Variants in ZSWIM8 observed in about 807,000 individuals in gnomAD.
ZSWIM8 encodes zinc finger SWIM domain-containing protein 8.
Under a neutral mutation model 173.7 loss-of-function variants are expected in ZSWIM8, and 27 were observed. That is an observed-to-expected ratio of 0.16 (90% CI 0.11 to 0.21). The LOEUF (loss-of-function observed/expected upper bound fraction) is 0.21, where lower values mean the gene tolerates loss of function less well. ZSWIM8 is among the 10% of genes least tolerant of loss of function. The pLI is 1.00. For missense variants in ZSWIM8, 1,627 were observed against 2,428.8 expected (o/e 0.67, Z 6.94); for synonymous variants, 958 against 962.0 (o/e 1.00, Z 0.08).
chr10:73,798,155 A>G lies in ZSWIM8; in HGVS notation c.3953-75A>G, dbSNP rs1351270346. The stretch of plus-strand genomic sequence containing the variant: ...TTATCTTTGTGGGGTTACTGATCTG[A>G]TAAAAAGACATTATTCTCACACCCC... On this transcript the variant is annotated intron_variant, in intron 19 of 25. Transcript: ENST00000604729. The G allele has an allele frequency of 3.8e-6, 6 of 1,594,058 alleles. No individual in the cohort carries two copies. In the East Asian group the frequency reaches 1.1e-4, roughly 30 times the overall value.
rs772997264 is a variant in ZSWIM8 at position 73,785,632 on chromosome 10, G to A, written c.-247G>A. 3.4e-6 allele frequency: 2 copies of A among 581,400 alleles called. No individual in the cohort carries two copies. Among genetic ancestry groups the A allele is most frequent in the South Asian group, 3.2e-5 (2 of 63,426 alleles). 36.0% of individuals were successfully genotyped at this position (581,400 alleles called of 1,614,324 possible). A position where few individuals can be genotyped will look rare whatever the true frequency, so the allele number is the denominator to read the frequency against. On this transcript the variant is annotated 5_prime_UTR_variant, in exon 1 of 26. Transcript: ENST00000604729. ...GCCGCCTAGAGGCCCCAGCCGCCGAGCGCTTCGTCCCGGCCCTAAGTCTCG... is the reference window on the plus strand; with the variant it reads ...GCCGCCTAGAGGCCCCAGCCGCCGAACGCTTCGTCCCGGCCCTAAGTCTCG...
chr10:73,794,681 C>A, intron 14 of ZSWIM8, 42 bp downstream of exon 14: 1 of 1,506,852 alleles, frequency 6.6e-7, no homozygotes, highest in Non-Finnish European at 9.0e-7. Flanking sequence ...TGGTTCAGGT[C>A]TTGAAGGACA....
At chr10:73,795,431 G>A in intron 14 of ZSWIM8, 108 bp from the exon 15 acceptor site, 1 of 1,530,728 alleles carries the variant, frequency 6.5e-7, no homozygotes, top group Non-Finnish European at 8.8e-7. Flanking sequence ...TTGGACCAAG[G>A]GAACCCCTTA....
rs1015453322 is a variant in ZSWIM8 at position 73,794,469 on chromosome 10, T to C, written c.2810-72T>C. 116 of 1,567,746 alleles carry C rather than the reference T, an allele frequency of 7.4e-5. 1 individual carries two copies. The Middle Eastern group carries it at 1.9e-3, about 25-fold the overall frequency. On this transcript the variant is annotated intron_variant, in intron 13 of 25. Coordinates refer to ENST00000604729, the MANE Select transcript of ZSWIM8 (RefSeq NM_001367799.1). The stretch of plus-strand genomic sequence containing the variant: ...ATGGGTAGGTCTGTGATGATGAGGA[T>C]TTTGGGTTCCCCTGTATTTTTTCCC...
chr10:73,792,503 G>A lies in ZSWIM8; in HGVS notation c.1964G>A (p.Gly655Asp), dbSNP rs1478688796. The change falls in exon 10 of 26, where the codon GGC becomes GAC. Residue 655 changes from glycine (G) to aspartate (D), a missense_variant. Gly to Asp is a moderately conservative substitution (Grantham distance 94). This residue lies in a region of ZSWIM8 where 383 missense variants were observed against 394.8 expected (regional missense o/e 0.97). Transcript: ENST00000604729. This position sits in a 1 kb window ranked among gnomAD's most constrained non-coding sequence, Gnocchi z 4.3. ...TGTCCTCTCCACGGTGGCTCCCGAGGCCCTTCCACTTTCCTTCCTGAGCCC... is the reference window on the plus strand; with the variant it reads ...TGTCCTCTCCACGGTGGCTCCCGAGACCCTTCCACTTTCCTTCCTGAGCCC... ...PPCPLHGGSR[G>D]PSTFLPEPPD... The A allele has an allele frequency of 1.2e-6, 2 of 1,613,510 alleles. No individual in the cohort carries two copies. Among genetic ancestry groups the A allele is most frequent in the Non-Finnish European group, 1.7e-6 (2 of 1,179,720 alleles).
chr10:73,800,834 TC>T lies in ZSWIM8; in HGVS notation c.5122+77del. On this transcript the variant is annotated intron_variant, in intron 24 of 25. Transcript: ENST00000604729. This position sits in a 1 kb window ranked among gnomAD's most constrained non-coding sequence, Gnocchi z 4.1. Reference sequence around the variant, plus strand: ...CCACCTTCCTTATCCCAGACCTCCTTCCTAGCTCTTGCTCAGAGTTGAGGCC... The same window carrying T: ...CCACCTTCCTTATCCCAGACCTCCTTCTAGCTCTTGCTCAGAGTTGAGGCC... 3 of 1,211,696 alleles carry T rather than the reference TC, an allele frequency of 2.5e-6. No individual in the cohort carries two copies. Among genetic ancestry groups the T allele is most frequent in the Non-Finnish European group, 3.5e-6 (3 of 856,856 alleles). The allele number at this position is 1,211,696 out of a possible 1,614,324, so 75.1% of individuals were successfully genotyped here. A position where few individuals can be genotyped will look rare whatever the true frequency, so the allele number is the denominator to read the frequency against.
At chr10:73,794,916 C>A in intron 14 of ZSWIM8, 2 of 147,444 alleles carry the variant, frequency 1.4e-5, no homozygotes, top group Non-Finnish European at 1.4e-5. Flanking sequence ...AGCAAGACCT[C>A]ATCTCTACTT....
chr10:73,788,580 C>T (rs2083304737), intron 1 of ZSWIM8, 90 bp from the exon 2 acceptor site: 1 of 1,478,030 alleles, frequency 6.8e-7, no homozygotes, highest in Admixed American at 2.1e-5. Flanking sequence ...AGATGAGGCC[C>T]AGGATGTTGT....
At chr10:73,798,956 T>G (rs1361033468) in intron 20 of ZSWIM8, 46 bp from the exon 21 acceptor site, 1 of 1,554,900 alleles carries the variant, frequency 6.4e-7, no homozygotes, top group East Asian at 2.3e-5. Flanking sequence ...ACCTTCCATG[T>G]GGTAAAGGCC....
Position 73,789,418 on chromosome 10 carries a change from G to C in ZSWIM8, c.509G>C (p.Gly170Ala), listed in dbSNP as rs1372652647. The change falls in exon 4 of 26, where the codon GGG (glycine) becomes GCG (alanine). Residue 170 changes from glycine to alanine, a missense_variant. Physicochemically the swap from Gly to Ala is moderately conservative, Grantham distance 60. Coordinates refer to ENST00000604729, the MANE Select transcript of ZSWIM8 (RefSeq NM_001367799.1). The surrounding 1 kb of genome is among the most constrained non-coding windows in gnomAD (Gnocchi z 6.8). ...VVPPQMVPPKGAYNVAVMFDR... is the reference protein window; with the variant it reads ...VVPPQMVPPKAAYNVAVMFDR... ...CCACCTCAGATGGTCCCTCCTAAAG[G>C]GGCCTACAACGTGGCTGTGATGTTT... 6.3e-7 allele frequency: 1 copy of C among 1,590,142 alleles called. No individual in the cohort carries two copies. Among genetic ancestry groups the C allele is most frequent in the Non-Finnish European group, 8.6e-7 (1 of 1,168,210 alleles).
chr10:73,795,804 C>G (rs1308449841), intron 15 of ZSWIM8, 141 bp downstream of exon 15: 2 of 944,366 alleles, frequency 2.1e-6, no homozygotes, highest in South Asian at 1.7e-5. Context: ...CCAAAAAATA[C>G]AAAAAATTAG....
chr10:73,789,649 T>C lies in ZSWIM8; in HGVS notation c.631-68T>C, dbSNP rs1292101448. 1 of 1,550,098 alleles carries C rather than the reference T, an allele frequency of 6.5e-7. No individual in the cohort carries two copies. The highest frequency in any genetic ancestry group is 1.4e-5 in the African/African-American group (1 of 73,230). ...CCTCGCCTCGCCTACTCTGCCTCTC[T>C]GTCCCCCAGCTCCAGCTCCAGCAAA... On this transcript the variant is annotated intron_variant, in intron 4 of 25. Coordinates refer to ENST00000604729, the MANE Select transcript of ZSWIM8 (RefSeq NM_001367799.1). This position sits in a 1 kb window ranked among gnomAD's most constrained non-coding sequence, Gnocchi z 6.8.
At position 73,791,450 on chromosome 10, in the gene ZSWIM8, G is replaced by GT; in HGVS notation, c.1271dup (p.Thr425HisfsTer33). The GT allele has an allele frequency of 6.2e-7, 1 of 1,613,274 alleles. No individual in the cohort carries two copies. ...CTGTGCCAGCATGTGTGACGAGATG[G>GT]TCACACTGTGGAGGCTGGCCGTGCT... On this transcript the variant is annotated frameshift_variant, in exon 9 of 26. Coordinates refer to ENST00000604729, the MANE Select transcript of ZSWIM8 (RefSeq NM_001367799.1). LOFTEE classifies it high-confidence loss of function. The surrounding 1 kb of genome is among the most constrained non-coding windows in gnomAD (Gnocchi z 6.0).
intron 14 of ZSWIM8, among the ~76,000 whole-genome samples, 152 bp from the exon 15 acceptor site, chr10:73,795,387 A>G (rs911251263): frequency 6.6e-6 from 1 of 152,204 alleles, no homozygotes; most frequent in South Asian, 2.1e-4. Context: ...GGCTGGATAT[A>G]ATAGTCAACG....
rs1369068246 is a variant in ZSWIM8 at position 73,800,886 on chromosome 10, G to A, written c.5122+127G>A. 5.1e-6 allele frequency: 6 copies of A among 1,186,368 alleles called. No homozygotes were observed. The South Asian group carries it at 9.1e-5, about 18-fold the overall frequency. The allele number at this position is 1,186,368 out of a possible 1,614,324, so 73.5% of individuals were successfully genotyped here. The stretch of plus-strand genomic sequence containing the variant: ...TTGGTCGGGTATGTGTGCGTGCGCG[G>A]GGGGCGGAGGGTTACCTCAGCTCCT... On this transcript the variant is annotated intron_variant, in intron 24 of 25. Transcript: ENST00000604729. The surrounding 1 kb of genome is among the most constrained non-coding windows in gnomAD (Gnocchi z 4.1).
At chr10:73,794,926 T>TAAAAA in intron 14 of ZSWIM8, 1 of 91,582 alleles carries the variant, frequency 1.1e-5, no homozygotes, top group South Asian at 3.4e-4. Context: ...CATCTCTACT[T>TAAAAA]AAAAAAAAAA....
intron 20 of ZSWIM8, 23 bp from the exon 21 acceptor site, chr10:73,798,979 C>T (rs1328674545): frequency 6.3e-7 from 1 of 1,587,570 alleles, no homozygotes; most frequent in Non-Finnish European, 8.6e-7. Flanking sequence ...TCCCCCTTAA[C>T]ACTCTGTGCC....
chr10:73,796,245 A>T (rs754422580), intron 15 of ZSWIM8: 131 of 225,338 alleles, frequency 5.8e-4, no homozygotes, highest in Non-Finnish European at 6.1e-4. Flanking sequence ...GCTACTCGGG[A>T]GGCTGAGGTG....
At position 73,789,488 on chromosome 10, in the gene ZSWIM8, G is replaced by A; in HGVS notation, c.579G>A (p.Gly193=). The change falls in exon 4 of 26, where the codon GGG becomes GGA. Residue 193 remains glycine (G), a synonymous_variant. Coordinates refer to ENST00000604729, the MANE Select transcript of ZSWIM8 (RefSeq NM_001367799.1). This position sits in a 1 kb window ranked among gnomAD's most constrained non-coding sequence, Gnocchi z 6.8. ...VTSCSCTCGA[G]AKWCTHVVAL... is the part of the protein sequence containing the mutation. ...CCTGCAGCTGTACCTGTGGGGCTGG[G>A]GCCAAATGGTGCACCCACGTCGTGG... is the stretch of plus-strand genomic sequence containing the variant. 6.2e-7 allele frequency: 1 copy of A among 1,613,220 alleles called. No homozygotes were observed. Among genetic ancestry groups the A allele is most frequent in the South Asian group, 1.1e-5 (1 of 90,858 alleles).
Sources: gnomAD v4.1 joint callset for allele counts (sites outside exome capture counted in the v4.1 genomes callset) on GRCh38, gnomAD v4.1.1 for gene constraint, gnomAD v4.1.1 regional missense constraint, Gnocchi (gnomAD v3.1) non-coding constraint, MANE v1.5 for transcripts, NCBI Gene and HGNC (gene_info 2026-07-23, HGNC 2026-07-21) for gene names.